Variants in SHMT1 observed in about 807,000 individuals in gnomAD.
SHMT1 encodes serine hydroxymethyltransferase, cytosolic.
Under a neutral mutation model 49.0 loss-of-function variants are expected in SHMT1, and 45 were observed. That is an observed-to-expected ratio of 0.92 (90% CI 0.72 to 1.18). The LOEUF (loss-of-function observed/expected upper bound fraction) is 1.18. SHMT1 is among the 50% of genes most tolerant of loss of function. The pLI is 0.00. For missense variants in SHMT1, 541 were observed against 612.4 expected (o/e 0.88, Z 1.23); for synonymous variants, 232 against 246.6 (o/e 0.94, Z 0.55).
Position 18,340,700 on chromosome 17 carries a change from T to G in SHMT1, c.601+32A>C, listed in dbSNP as rs780579355. The G allele has an allele frequency of 6.3e-7, 1 of 1,587,434 alleles. No individual in the cohort carries two copies. Among genetic ancestry groups the G allele is most frequent in the East Asian group, 2.3e-5 (1 of 43,816 alleles). ...TCTGTAAGAGGCACCAGGCTACTGG[T>G]GAACAAGGTGACTTTCCGCCCCGCG... On this transcript the variant is annotated intron_variant, in intron 6 of 11. Transcript: ENST00000316694. The surrounding 1 kb of genome is among the most constrained non-coding windows in gnomAD (Gnocchi z 4.5).
chr17:18,328,438 C>A lies in SHMT1; in HGVS notation c.*312G>T. On this transcript the variant is annotated 3_prime_UTR_variant, in exon 12 of 12. Coordinates refer to ENST00000316694, the MANE Select transcript of SHMT1 (RefSeq NM_004169.5). ...CTACAATCTTTCTAACAGCTTTGCC[C>A]TACACCACCATCTAAATGATTATGA... 2.5e-6 allele frequency: 1 copy of A among 399,112 alleles called. No individual in the cohort carries two copies. 24.7% of individuals were successfully genotyped at this position (399,112 alleles called of 1,614,324 possible). A position where few individuals can be genotyped will look rare whatever the true frequency, so the allele number is the denominator to read the frequency against.
chr17:18,340,305 C>T lies in SHMT1; in HGVS notation c.602-50G>A, dbSNP rs766482091. On this transcript the variant is annotated intron_variant, in intron 6 of 11. Transcript: ENST00000316694. The surrounding 1 kb of genome is among the most constrained non-coding windows in gnomAD (Gnocchi z 4.5). ...TGCATCAGAGATGTCCACCGGCCAG[C>T]TGAGTTGGCTTCACAGTGGCCTCTA... is the stretch of plus-strand genomic sequence containing the variant. The T allele has an allele frequency of 1.1e-5, 17 of 1,591,414 alleles. No homozygotes were observed. The highest frequency in any genetic ancestry group is 4.4e-5 in the South Asian group (4 of 90,620).
In SHMT1 at chr17:18,329,337, A is replaced by G. The variant is rs764828691; in HGVS notation, c.1223T>C (p.Leu408Pro). 3 of 1,613,098 alleles carry G rather than the reference A, an allele frequency of 1.9e-6. No homozygotes were observed. The highest frequency in any genetic ancestry group is 1.7e-5 in the Admixed American group (1 of 60,020). Residue 408 changes from leucine (L) to proline (P), a missense_variant, in exon 11 of 12, where the codon CTG (leucine) becomes CCG (proline). Physicochemically the swap from Leu to Pro is moderately conservative, Grantham distance 98 (BLOSUM62 -3). Coordinates refer to ENST00000316694, the MANE Select transcript of SHMT1 (RefSeq NM_004169.5). ...PSGLRLGTPA[L>P]TSRGLLEKDF... is the part of the protein sequence containing the mutation. The stretch of plus-strand genomic sequence containing the variant: ...TTTTTCCAAAAGTCCACGGGACGTC[A>G]GTGCTGGGGTCCCCAGCCGCAGTCC...
intron 9 of SHMT1, chr17:18,331,745 A>G (rs1459498297): frequency 6.6e-6 from 1 of 152,254 alleles, no homozygotes; most frequent in Non-Finnish European, 1.5e-5. Flanking sequence ...TGGTGTGCAC[A>G]TTGAAGTTTA....
Position 18,328,538 on chromosome 17 carries a change from CT to C in SHMT1, c.*211del. The C allele has an allele frequency of 1.7e-6, 1 of 588,054 alleles. No homozygotes were observed. Among genetic ancestry groups the C allele is most frequent in the South Asian group, 2.1e-5 (1 of 48,520 alleles). 36.4% of individuals were successfully genotyped at this position (588,054 alleles called of 1,614,324 possible). On this transcript the variant is annotated 3_prime_UTR_variant, in exon 12 of 12. Transcript: ENST00000316694. ...AGAAAGCCAGGTTCAAATTTAAATC[CT>C]TTAATAACCTGTCCCAGAATTACTA...
chr17:18,361,612 C>T (rs1394542631), intron 1 of SHMT1, among the ~76,000 whole-genome samples: 1 of 151,710 alleles, frequency 6.6e-6, no homozygotes, highest in East Asian at 1.9e-4. Context: ...ATGGTGAAAC[C>T]CCGTCTCTAC....
chr17:18,330,404 G>A lies in SHMT1; in HGVS notation c.1171+151C>T, dbSNP rs570908826. ...GCCTGCCTCGGCCTCCCAAAGTGCC[G>A]GGATTACAGGCGTGAGCCACCGTGC... On this transcript the variant is annotated intron_variant, in intron 10 of 11. Coordinates refer to ENST00000316694, the MANE Select transcript of SHMT1 (RefSeq NM_004169.5). 3.1e-4 allele frequency: 216 copies of A among 700,542 alleles called. 4 individuals carry two copies. The South Asian group carries it at 3.1e-3, about 10-fold the overall frequency. 43.4% of individuals were successfully genotyped at this position (700,542 alleles called of 1,614,324 possible).
chr17:18,348,279 A>G lies in SHMT1; in HGVS notation c.358+46T>C, dbSNP rs771814434. ...TCTTGGTGCATGTCGGCCCTGGGGG[A>G]TGCACATGAAGAGGCTGCACCAGGC... On this transcript the variant is annotated intron_variant, in intron 4 of 11. Coordinates refer to ENST00000316694, the MANE Select transcript of SHMT1 (RefSeq NM_004169.5). 4.9e-6 allele frequency: 6 copies of G among 1,222,910 alleles called. No homozygotes were observed. In the Admixed American group the frequency reaches 1.1e-4, roughly 21 times the overall value. 75.8% of individuals were successfully genotyped at this position (1,222,910 alleles called of 1,614,324 possible).
chr17:18,340,395 C>A lies in SHMT1; in HGVS notation c.602-140G>T, dbSNP rs1054630085. The stretch of plus-strand genomic sequence containing the variant: ...AGTCTCAGAGCAAAAATGGAGAATG[C>A]CCTCAAAAAGCACCTCTGTGCTAAA... On this transcript the variant is annotated intron_variant, in intron 6 of 11. Coordinates refer to ENST00000316694, the MANE Select transcript of SHMT1 (RefSeq NM_004169.5). The surrounding 1 kb of genome is among the most constrained non-coding windows in gnomAD (Gnocchi z 4.5). 1 of 933,406 alleles carries A rather than the reference C, an allele frequency of 1.1e-6. No individual in the cohort carries two copies. The highest frequency in any genetic ancestry group is 1.7e-6 in the Non-Finnish European group (1 of 597,812). The allele number at this position is 933,406 out of a possible 1,614,324, so 57.8% of individuals were successfully genotyped here.
chr17:18,340,023 C>T lies in SHMT1; in HGVS notation c.814+20G>A. On this transcript the variant is annotated intron_variant, in intron 7 of 11. Coordinates refer to ENST00000316694, the MANE Select transcript of SHMT1 (RefSeq NM_004169.5). The surrounding 1 kb of genome is among the most constrained non-coding windows in gnomAD (Gnocchi z 4.5). ...ATGTAAACCATGGTACCCATCTGTA[C>T]CCAACATTCGGGAGCTCACCTTTCC... is the stretch of plus-strand genomic sequence containing the variant. 2 of 1,609,764 alleles carry T rather than the reference C, an allele frequency of 1.2e-6. No homozygotes were observed. Among genetic ancestry groups the T allele is most frequent in the Non-Finnish European group, 8.5e-7 (1 of 1,178,506 alleles).
In SHMT1 at chr17:18,340,699, G is replaced by C; in HGVS notation, c.601+33C>G. 6.3e-7 allele frequency: 1 copy of C among 1,584,150 alleles called. No homozygotes were observed. The highest frequency in any genetic ancestry group is 8.6e-7 in the Non-Finnish European group (1 of 1,160,742). On this transcript the variant is annotated intron_variant, in intron 6 of 11. Transcript: ENST00000316694. This position sits in a 1 kb window ranked among gnomAD's most constrained non-coding sequence, Gnocchi z 4.5. The stretch of plus-strand genomic sequence containing the variant: ...TTCTGTAAGAGGCACCAGGCTACTG[G>C]TGAACAAGGTGACTTTCCGCCCCGC...
chr17:18,362,292 TATTTC>T (rs1489774827), intron 1 of SHMT1, among the ~76,000 whole-genome samples: 1 of 152,106 alleles, frequency 6.6e-6, no homozygotes, highest in Non-Finnish European at 1.5e-5. Context: ...AAATTTACGT[TATTTC>T]TTTTCTTTTT....
intron 9 of SHMT1, chr17:18,331,800 AG>A (rs1983239603): frequency 6.6e-5 from 10 of 152,274 alleles, no homozygotes; most frequent in Admixed American, 5.9e-4. Flanking sequence ...TTTTGGCACC[AG>A]GAACTGGTTA....
chr17:18,344,685 GAAC>G (rs972817738), intron 5 of SHMT1, among the ~76,000 whole-genome samples: 84 of 149,680 alleles, frequency 5.6e-4, no homozygotes, highest in Non-Finnish European at 1.1e-3. Flanking sequence ...TGAGACAAGA[GAAC>G]AACTCCTAGA....
chr17:18,329,181 AGAATTGTCTTTCAGTG>A (rs1395902333), intron 11 of SHMT1, 81 bp downstream of exon 11: 1 of 966,570 alleles, frequency 1.0e-6, no homozygotes, highest in African/African-American at 1.6e-5. Context: ...GCCTTGGTGC[AGAATTGTCTTTCAGTG>A]GCAGGGTCTC....
At chr17:18,352,962 A>T (rs1381787460) in intron 3 of SHMT1, among the ~76,000 whole-genome samples, 4 of 152,212 alleles carry the variant, frequency 2.6e-5, no homozygotes, top group African/African-American at 7.2e-5. Context: ...CACAATGCAA[A>T]AGTTAGTTAT....
intron 3 of SHMT1, 26 bp from the exon 4 acceptor site, chr17:18,348,466 G>T: frequency 6.6e-7 from 1 of 1,520,120 alleles, no homozygotes; most frequent in South Asian, 1.1e-5. Context: ...AGGAGACTTA[G>T]ATCCACTCAG....
intron 11 of SHMT1, 118 bp downstream of exon 11, chr17:18,329,160 C>G: frequency 1.1e-6 from 1 of 921,754 alleles, no homozygotes; most frequent in Non-Finnish European, 1.7e-6. Context: ...TGTCTCCCAC[C>G]CCAACACTCA....
At chr17:18,347,336 G>T (rs567947109) in intron 5 of SHMT1, among the ~76,000 whole-genome samples, 160 bp downstream of exon 5, 1 of 152,328 alleles carries the variant, frequency 6.6e-6, no homozygotes, top group East Asian at 1.9e-4. Context: ...GCCCCAGCGG[G>T]TCCTGAAAAC....
Sources: gnomAD v4.1 joint callset for allele counts (sites outside exome capture counted in the v4.1 genomes callset) on GRCh38, gnomAD v4.1.1 for gene constraint, Gnocchi (gnomAD v3.1) non-coding constraint, MANE v1.5 for transcripts, NCBI Gene and HGNC (gene_info 2026-07-23, HGNC 2026-07-21) for gene names.